MYH9: variants seen among roughly 807,000 people sequenced by gnomAD.
MYH9 encodes the protein myosin-9.
Under a neutral mutation model 241.9 loss-of-function variants are expected in MYH9, and 29 were observed. The ratio of observed to expected loss-of-function variants is 0.12; its 90% CI spans 0.09 to 0.16. The LOEUF (loss-of-function observed/expected upper bound fraction) is 0.16, where lower values mean the gene tolerates loss of function less well. MYH9 is among the 10% of genes least tolerant of loss of function. MYH9 has a pLI of 1.00. For synonymous variants in MYH9, 1,047 were observed against 1,062.6 expected (o/e 0.99, Z 0.29); for missense variants, 1,803 against 2,595.5 (o/e 0.69, Z 6.63).
intron 31 of MYH9, 51 bp from the exon 32 acceptor site, chr22:36,289,348 G>T (rs1357613551): frequency 1.3e-6 from 2 of 1,538,274 alleles, no homozygotes. Context: ...CCCCAGCAGG[G>T]CAGGGCAGCT....
intron 13 of MYH9, 91 bp downstream of exon 13, chr22:36,314,054 C>CACAACCAACA: frequency 6.7e-7 from 1 of 1,494,382 alleles, no homozygotes; most frequent in South Asian, 1.1e-5. Context: ...AAGACACCTC[C>CACAACCAACA]ACAACCAACA....
intron 5 of MYH9, 31 bp downstream of exon 5, chr22:36,326,537 C>T (rs374928820): frequency 2.1e-5 from 33 of 1,589,286 alleles, no homozygotes; most frequent in African/African-American, 1.6e-4. Context: ...GCCAAGCAGG[C>T]GGCCACAGGG....
At position 36,285,311 on chromosome 22, in the gene MYH9, C is replaced by T. The variant is rs779971012; in HGVS notation, c.5293G>A (p.Asp1765Asn). The T allele has an allele frequency of 3.1e-6, 5 of 1,611,124 alleles. No individual in the cohort carries two copies. Among genetic ancestry groups the T allele is most frequent in the Non-Finnish European group, 4.2e-6 (5 of 1,180,010 alleles). Residue 1765 changes from aspartate to asparagine, a missense_variant, in exon 38 of 41, where the codon GAC becomes AAC. Transcript: ENST00000216181. The surrounding 1 kb of genome is among the most constrained non-coding windows in gnomAD (Gnocchi z 7.0). ...GCGTGGCTGCGCTCCAGGTTCAGGT[C>T]GGTGTTGATCTGGTCGATCTGCAGA... ...ANLQIDQINT[D>N]LNLERSHAQK...
intron 3 of MYH9, among the ~76,000 whole-genome samples, chr22:36,331,337 C>A (rs2017417260): frequency 6.6e-6 from 1 of 152,216 alleles, no homozygotes; most frequent in African/African-American, 2.4e-5. Flanking sequence ...ACGAGAAAGT[C>A]TTTCATAAAA....
chr22:36,346,832 C>T (rs1279552692), intron 2 of MYH9, among the ~76,000 whole-genome samples: 1 of 152,078 alleles, frequency 6.6e-6, no homozygotes, highest in African/African-American at 2.4e-5. Context: ...TATCAAACTC[C>T]TGAGCTCAAG....
chr22:36,379,152 G>A (rs889057006), intron 1 of MYH9, among the ~76,000 whole-genome samples: 1 of 152,110 alleles, frequency 6.6e-6, no homozygotes, highest in African/African-American at 2.4e-5. Flanking sequence ...TAAGGCCCAC[G>A]TCCTTTTGGT....
chr22:36,304,439 G>A (rs950076291), intron 18 of MYH9, among the ~76,000 whole-genome samples: 5 of 152,158 alleles, frequency 3.3e-5, no homozygotes, highest in African/African-American at 7.2e-5. Context: ...TAGAAAGAAC[G>A]TGAAGTAAAA....
rs780540448 is a variant in MYH9, at chr22:36,286,763, C to G, written c.5016G>C (p.Glu1672Asp). 1.2e-6 allele frequency: 2 copies of G among 1,613,280 alleles called. No homozygotes were observed. The highest frequency in any genetic ancestry group is 2.2e-5 in the East Asian group (1 of 44,884). Residue 1672 changes from glutamate (E) to aspartate (D), a missense_variant, in exon 35 of 41, where the codon GAG (glutamate) becomes GAC (aspartate). Glu to Asp is a conservative substitution (Grantham distance 45). This residue lies in a region of MYH9 where 876 missense variants were observed against 1,077.8 expected (regional missense o/e 0.81). Coordinates refer to ENST00000216181, the MANE Select transcript of MYH9 (RefSeq NM_002473.6). ...CGGCCTCCATGCTCTTCAGCTTCTTCTCGTTCTCTTTGGCCTGGGCCAGGA... is the reference window on the plus strand; with the variant it reads ...CGGCCTCCATGCTCTTCAGCTTCTTGTCGTTCTCTTTGGCCTGGGCCAGGA... ...EEILAQAKEN[E>D]KKLKSMEAEM...
chr22:36,283,701 T>G (rs1298348468), intron 40 of MYH9, among the ~76,000 whole-genome samples: 1 of 152,184 alleles, frequency 6.6e-6, no homozygotes, highest in Non-Finnish European at 1.5e-5. Context: ...GCTTCAAACA[T>G]TCACTACTTC....
intron 1 of MYH9, among the ~76,000 whole-genome samples, chr22:36,352,169 C>T (rs866636907): frequency 1.2e-4 from 18 of 152,144 alleles, no homozygotes; most frequent in South Asian, 1.0e-3. Flanking sequence ...TGGAGCTGGG[C>T]CCTAACTGTC....
chr22:36,371,800 G>A, intron 1 of MYH9, among the ~76,000 whole-genome samples: 1 of 152,130 alleles, frequency 6.6e-6, no homozygotes, highest in East Asian at 1.9e-4. Flanking sequence ...CTCCCAAAGT[G>A]CTGGGATTAC....
intron 24 of MYH9, among the ~76,000 whole-genome samples, chr22:36,298,267 C>G (rs1186434520): frequency 6.6e-6 from 1 of 152,084 alleles, no homozygotes; most frequent in Non-Finnish European, 1.5e-5. Context: ...GTCCACTCCT[C>G]TCAAGGGGCA....
At chr22:36,384,875 T>C (rs2018327578) in intron 1 of MYH9, among the ~76,000 whole-genome samples, 1 of 151,568 alleles carries the variant, frequency 6.6e-6, no homozygotes, top group African/African-American at 2.4e-5. Context: ...TCTTCCCAGC[T>C]CTAAGAGTGG....
chr22:36,353,082 G>A (rs368328231), intron 1 of MYH9, among the ~76,000 whole-genome samples: 6 of 149,852 alleles, frequency 4.0e-5, no homozygotes, highest in East Asian at 2.0e-4. Flanking sequence ...GTTTCCACTC[G>A]TATCCTGTGC....
intron 2 of MYH9, among the ~76,000 whole-genome samples, chr22:36,344,035 C>A (rs2017633871): frequency 6.6e-6 from 1 of 152,250 alleles, no homozygotes; most frequent in Admixed American, 6.5e-5. Flanking sequence ...ACAAGTCTTT[C>A]TGACAGCTGG....
At chr22:36,352,608 G>A (rs1351722104) in intron 1 of MYH9, among the ~76,000 whole-genome samples, 1 of 152,156 alleles carries the variant, frequency 6.6e-6, no homozygotes, top group Non-Finnish European at 1.5e-5. Flanking sequence ...ACTGCCCTCA[G>A]AACCTCACCC....
At position 36,320,350 on chromosome 22, in the gene MYH9, C is replaced by T. The variant is rs528854364; in HGVS notation, c.882G>A (p.Leu294=). 2 of 1,613,908 alleles carry T rather than the reference C, an allele frequency of 1.2e-6. No homozygotes were observed. Among genetic ancestry groups the T allele is most frequent in the African/African-American group, 2.7e-5 (2 of 75,052 alleles). ...AGEHLKTDLL[L]EPYNKYRFLS... ...GGAAGCGGTATTTGTTGTACGGCTC[C>T]AACAGGAGATCGGCTGTAAGGGGTG... The change falls in exon 9 of 41, where the codon TTG becomes TTA. Residue 294 remains leucine (L), a synonymous_variant. Transcript: ENST00000216181. The surrounding 1 kb of genome is among the most constrained non-coding windows in gnomAD (Gnocchi z 4.8).
chr22:36,322,371 C>T lies in MYH9; in HGVS notation c.705+58G>A. On this transcript the variant is annotated intron_variant, in intron 6 of 40. Coordinates refer to ENST00000216181, the MANE Select transcript of MYH9 (RefSeq NM_002473.6). ...GGCACCCAGGAAAAGGCAGCATGAG[C>T]CAAAGCTCCGGGCAAGGCCCTCTGT... 6 of 1,581,308 alleles carry T rather than the reference C, an allele frequency of 3.8e-6. No individual in the cohort carries two copies. In the South Asian group the frequency reaches 6.6e-5, roughly 17 times the overall value.
At position 36,316,459 on chromosome 22, in the gene MYH9, A is replaced by G. The variant is rs1031491957; in HGVS notation, c.1380+58T>C. ...TGAGAAGCAGGGTTCTTAACCAAGG[A>G]TAAGGCAACCAACAGGCCAAGGAGG... is the stretch of plus-strand genomic sequence containing the variant. On this transcript the variant is annotated intron_variant, in intron 12 of 40. Coordinates refer to ENST00000216181, the MANE Select transcript of MYH9 (RefSeq NM_002473.6). 35 of 1,612,374 alleles carry G rather than the reference A, an allele frequency of 2.2e-5. No individual in the cohort carries two copies. In the East Asian group the frequency reaches 7.6e-4, roughly 35 times the overall value.
Sources: allele counts gnomAD v4.1 joint callset (sites outside exome capture counted in the v4.1 genomes callset), GRCh38; gene constraint gnomAD v4.1.1; regional missense constraint gnomAD v4.1.1; non-coding constraint Gnocchi (gnomAD v3.1); transcripts MANE v1.5; gene names NCBI Gene and HGNC (gene_info 2026-07-23, HGNC 2026-07-21).